The following BCAS3 variants were observed in gnomAD, a reference collection of about 807,000 sequenced individuals.
BCAS3 encodes the protein BCAS4/BCAS3 fusion.
Under a neutral mutation model 116.1 loss-of-function variants are expected in BCAS3, and 53 were observed. The observed-to-expected ratio is 0.46, with a 90% CI of 0.37 to 0.57. The LOEUF (loss-of-function observed/expected upper bound fraction) is 0.57. Among genes scored for constraint, BCAS3 ranks in the 20% least tolerant of loss-of-function variants. BCAS3 has a pLI of 0.00. For missense variants in BCAS3, 917 were observed against 1,165.4 expected, an observed-to-expected ratio of 0.79 and a Z score of 3.10; for synonymous variants, 391 against 408.2, an observed-to-expected ratio of 0.96 and a Z score of 0.51.
chr17:61,241,278 C>A lies in BCAS3; in HGVS notation c.2426-127049C>A, dbSNP rs940983654. Among the ~76,000 whole-genome samples, 37 of 152,060 alleles carry A rather than the reference C, an allele frequency of 2.4e-4. No individual in the cohort carries two copies. The highest frequency in any genetic ancestry group is 8.7e-4 in the African/African-American group (36 of 41,416). On this transcript the variant is annotated intron_variant, in intron 22 of 23. Coordinates refer to ENST00000407086, the MANE Select transcript of BCAS3 (RefSeq NM_017679.5). This position sits in a 1 kb window ranked among gnomAD's most constrained non-coding sequence, Gnocchi z 4.6. ...GCAAGTGATGAAGCTAGTGAGTGAG[C>A]CTGTTTACCACCAAGTACCCACGTC...
At chr17:61,093,063 C>T (rs533795994) in intron 22 of BCAS3, among the ~76,000 whole-genome samples, 11 of 151,748 alleles carry the variant, frequency 7.2e-5, no homozygotes, top group Non-Finnish European at 1.2e-4. Context: ...CCCACTACCA[C>T]GCCCAGCTAA....
At chr17:60,909,182 T>C (rs1045590086) in intron 11 of BCAS3, among the ~76,000 whole-genome samples, 9 of 152,216 alleles carry the variant, frequency 5.9e-5, no homozygotes, top group African/African-American at 2.2e-4. Flanking sequence ...TACCATAAAA[T>C]AATGCATCTA....
chr17:61,252,468 T>C (rs932962710), intron 22 of BCAS3, among the ~76,000 whole-genome samples: 8 of 151,792 alleles, frequency 5.3e-5, no homozygotes, highest in African/African-American at 1.9e-4. Flanking sequence ...GCCCCGCCCA[T>C]GGGCCAGCTT....
rs748782530 is a variant in BCAS3, at chr17:61,278,020, C to CA, written c.2426-90301dup. On this transcript the variant is annotated intron_variant, in intron 22 of 23. Transcript: ENST00000407086. This position sits in a 1 kb window ranked among gnomAD's most constrained non-coding sequence, Gnocchi z 5.8. ...CAAAAGAAATGAAAACATACCCACA[C>CA]AAAAAATGGTTTGTTTTGTTTTGTT... 1.3e-5 allele frequency among the ~76,000 whole-genome samples: 2 copies of CA among 152,068 alleles called. No individual in the cohort carries two copies. The highest frequency in any genetic ancestry group is 2.9e-5 in the Non-Finnish European group (2 of 68,014).
chr17:60,704,580 C>A (rs1236676215), intron 4 of BCAS3, among the ~76,000 whole-genome samples: 3 of 152,192 alleles, frequency 2.0e-5, no homozygotes, highest in African/African-American at 7.2e-5. Context: ...GTGCTTCACG[C>A]CTGTAATCCC....
intron 22 of BCAS3, among the ~76,000 whole-genome samples, chr17:61,202,961 C>T (rs969039274): frequency 6.6e-5 from 10 of 152,078 alleles, no homozygotes; most frequent in Admixed American, 5.9e-4. Context: ...GTAGTATCAG[C>T]GCAGTGATGA....
intron 22 of BCAS3, among the ~76,000 whole-genome samples, chr17:61,253,025 A>C (rs1478395493): frequency 6.6e-6 from 1 of 151,342 alleles, no homozygotes; most frequent in Non-Finnish European, 1.5e-5. Context: ...GATCACAGGC[A>C]TGTGCTACCA....
intron 7 of BCAS3, among the ~76,000 whole-genome samples, chr17:60,813,926 T>A (rs1022986571): frequency 2.0e-5 from 3 of 152,228 alleles, no homozygotes; most frequent in African/African-American, 7.2e-5. Context: ...TTTTGGTTAC[T>A]GTAGCCTTAT....
rs2053554999 is a variant in BCAS3, at chr17:61,302,748, GCTACGGC to G, written c.2426-65576_2426-65570del. On this transcript the variant is annotated intron_variant, in intron 22 of 23. Coordinates refer to ENST00000407086, the MANE Select transcript of BCAS3 (RefSeq NM_017679.5). This position sits in a 1 kb window ranked among gnomAD's most constrained non-coding sequence, Gnocchi z 4.4. ...ATCTGATCCTTCATTTACAATATCA[GCTACGGC>G]CTCTGGATGTGTTTTTATCTAAGAG... is the stretch of plus-strand genomic sequence containing the variant. 6.6e-6 allele frequency among the ~76,000 whole-genome samples: 1 copy of G among 152,038 alleles called. No individual in the cohort carries two copies. Among genetic ancestry groups the G allele is most frequent in the South Asian group, 2.1e-4 (1 of 4,820 alleles).
At chr17:60,974,991 G>GTTTTTTTTGTTTTTTTTTT (rs72383171) in intron 14 of BCAS3, among the ~76,000 whole-genome samples, 2 of 141,676 alleles carry the variant, frequency 1.4e-5, no homozygotes, top group Admixed American at 6.8e-5. Flanking sequence ...TGTTTTTTTT[G>GTTTTTTTTGTTTTTTTTTT]CTTTTTTGTT....
chr17:61,006,941 G>A (rs2064761598), intron 15 of BCAS3, among the ~76,000 whole-genome samples: 1 of 151,984 alleles, frequency 6.6e-6, no homozygotes, highest in Non-Finnish European at 1.5e-5. Flanking sequence ...TACGTAAAAT[G>A]AATTAAAAAT....
At position 61,073,183 on chromosome 17, in the gene BCAS3, A is replaced by G. The variant is rs1318152213; in HGVS notation, c.2030-1737A>G. ...TCTTCTTGATATAATTTGTCATCAC[A>G]AGAATGTAGGTGTATGCTTTTGTGA... On this transcript the variant is annotated intron_variant, in intron 19 of 23. Transcript: ENST00000407086. This position sits in a 1 kb window ranked among gnomAD's most constrained non-coding sequence, Gnocchi z 4.6. Among the ~76,000 whole-genome samples the G allele has an allele frequency of 2.6e-5, 4 of 152,218 alleles. No homozygotes were observed. Among genetic ancestry groups the G allele is most frequent in the Non-Finnish European group, 5.9e-5 (4 of 68,040 alleles).
At chr17:60,800,189 G>A (rs1003769659) in intron 6 of BCAS3, among the ~76,000 whole-genome samples, 4 of 151,988 alleles carry the variant, frequency 2.6e-5, no homozygotes, top group African/African-American at 7.2e-5. Context: ...TGATGATTGC[G>A]GCATTTTATA....
chr17:60,904,078 A>G (rs543807764), intron 11 of BCAS3, among the ~76,000 whole-genome samples: 1 of 152,314 alleles, frequency 6.6e-6, no homozygotes, highest in African/African-American at 2.4e-5. Context: ...TGCTGTGGAC[A>G]TGCTGGAGTG....
At chr17:60,760,664 T>A (rs1210667004) in intron 6 of BCAS3, among the ~76,000 whole-genome samples, 1 of 152,138 alleles carries the variant, frequency 6.6e-6, no homozygotes, top group Non-Finnish European at 1.5e-5. Context: ...TTGGCTATAG[T>A]TTGACTATAA....
chr17:60,762,067 T>C (rs113147079), intron 6 of BCAS3, among the ~76,000 whole-genome samples: 41,977 of 151,974 alleles, frequency 0.28, 11,472 homozygotes, highest in African/African-American at 0.72. Context: ...GATTTTTTTC[T>C]TGTAAACTTG....
At chr17:60,787,954 A>G (rs990667427) in intron 6 of BCAS3, among the ~76,000 whole-genome samples, 2 of 151,854 alleles carry the variant, frequency 1.3e-5, no homozygotes, top group Non-Finnish European at 2.9e-5. Context: ...AAAAAAAAAG[A>G]TGAATGGTTT....
rs1366505830 is a variant in BCAS3 at position 61,077,432 on chromosome 17, T to G, written c.2131-901T>G. 1.3e-5 allele frequency among the ~76,000 whole-genome samples: 2 copies of G among 151,832 alleles called. No individual in the cohort carries two copies. The highest frequency in any genetic ancestry group is 3.9e-4 in the East Asian group (2 of 5,162). ...CTGGGGAGGCTGAGGCAGGAGAATG[T>G]AGTGAACCCAGGAGGCGGAGCTTGC... On this transcript the variant is annotated intron_variant, in intron 20 of 23. Transcript: ENST00000407086. This position sits in a 1 kb window ranked among gnomAD's most constrained non-coding sequence, Gnocchi z 4.3.
At chr17:60,765,206 G>A (rs897632878) in intron 6 of BCAS3, among the ~76,000 whole-genome samples, 1 of 152,102 alleles carries the variant, frequency 6.6e-6, no homozygotes, top group Non-Finnish European at 1.5e-5. Flanking sequence ...GGTTAATATT[G>A]TTATGTGTGA....
Sources: gnomAD v4.1 joint callset for allele counts (sites outside exome capture counted in the v4.1 genomes callset) on GRCh38, gnomAD v4.1.1 for gene constraint, Gnocchi (gnomAD v3.1) non-coding constraint, MANE v1.5 for transcripts, NCBI Gene and HGNC (gene_info 2026-07-23, HGNC 2026-07-21) for gene names.